The following PTPRN2 variants were observed in gnomAD, a reference collection of about 807,000 sequenced individuals.
PTPRN2 encodes the protein protein tyrosine phosphatase receptor type N2.
A neutral mutation model predicts 118.8 loss-of-function variants in PTPRN2; 74 were observed. The observed-to-expected ratio is 0.62, with a 90% CI of 0.52 to 0.76. The LOEUF (loss-of-function observed/expected upper bound fraction) is 0.76. PTPRN2 is among the 30% of genes least tolerant of loss of function. The pLI is 0.00. For synonymous variants in PTPRN2, 641 were observed against 608.0 expected, an observed-to-expected ratio of 1.05 and a Z score of -0.80; for missense variants, 1,481 against 1,394.4, an observed-to-expected ratio of 1.06 and a Z score of -0.99.
chr7:158,569,915 G>C (rs1218261072), intron 1 of PTPRN2, among the ~76,000 whole-genome samples: 1 of 152,004 alleles, frequency 6.6e-6, no homozygotes, highest in African/African-American at 2.4e-5. Context: ...GAGGCCGCCT[G>C]ACAGGAGCGC....
intron 10 of PTPRN2, among the ~76,000 whole-genome samples, chr7:158,106,644 G>T (rs1236208621): frequency 6.6e-6 from 1 of 152,196 alleles, no homozygotes; most frequent in Non-Finnish European, 1.5e-5. Flanking sequence ...CCTACCTGTG[G>T]AGTCTGCCCT....
intron 2 of PTPRN2, among the ~76,000 whole-genome samples, chr7:158,457,380 G>A (rs1818593370): frequency 6.6e-6 from 1 of 152,234 alleles, no homozygotes; most frequent in African/African-American, 2.4e-5. Flanking sequence ...GCGGGCAGGT[G>A]TCTACCCTGG....
chr7:158,558,024 G>C (rs1451529366), intron 1 of PTPRN2, among the ~76,000 whole-genome samples: 1 of 152,156 alleles, frequency 6.6e-6, no homozygotes, highest in African/African-American at 2.4e-5. Context: ...TCACTCTGTT[G>C]CCCAGGCTGG....
intron 11 of PTPRN2, among the ~76,000 whole-genome samples, chr7:158,021,459 T>A (rs1244785891): frequency 6.6e-6 from 1 of 152,116 alleles, no homozygotes; most frequent in African/African-American, 2.4e-5. Context: ...CATAAATGTG[T>A]GTGTATGCAC....
rs570140629 is a variant in PTPRN2 at position 157,964,844 on chromosome 7, C to T, written c.1724-66107G>A. 6.6e-6 allele frequency among the ~76,000 whole-genome samples: 1 copy of T among 152,334 alleles called. No homozygotes were observed. Among genetic ancestry groups the T allele is most frequent in the East Asian group, 1.9e-4 (1 of 5,182 alleles). ...TTCTTTCGACGATCCTCCTCTTGCC[C>T]CAATTTCTCCACCGCACAGACTCGC... On this transcript the variant is annotated intron_variant, in intron 11 of 22. Transcript: ENST00000389418. The surrounding 1 kb of genome is among the most constrained non-coding windows in gnomAD (Gnocchi z 9.0).
chr7:158,158,287 C>T (rs1029419312), intron 6 of PTPRN2, among the ~76,000 whole-genome samples: 2 of 152,238 alleles, frequency 1.3e-5, no homozygotes, highest in African/African-American at 4.8e-5. Flanking sequence ...AAAGTCAAAG[C>T]TTTGGTTCAG....
rs926444136 is a variant in PTPRN2 at position 157,598,660 on chromosome 7, G to A, written c.2419-3345C>T. ...TGTGTGTCCTGGTGTTGGTCATCCC[G>A]AAACTGTCCGTGAAAACCTGTAAAT... is the stretch of plus-strand genomic sequence containing the variant. On this transcript the variant is annotated intron_variant, in intron 16 of 22. Coordinates refer to ENST00000389418, the MANE Select transcript of PTPRN2 (RefSeq NM_002847.5). The surrounding 1 kb of genome is among the most constrained non-coding windows in gnomAD (Gnocchi z 5.2). Among the ~76,000 whole-genome samples the A allele has an allele frequency of 3.3e-5, 5 of 152,214 alleles. No individual in the cohort carries two copies. Among genetic ancestry groups the A allele is most frequent in the South Asian group, 2.1e-4 (1 of 4,830 alleles).
chr7:158,505,078 G>C (rs1003433485), intron 1 of PTPRN2, among the ~76,000 whole-genome samples: 1 of 152,120 alleles, frequency 6.6e-6, no homozygotes, highest in Non-Finnish European at 1.5e-5. Context: ...AAAATCCAAG[G>C]CTCTAACAAA....
intron 1 of PTPRN2, among the ~76,000 whole-genome samples, chr7:158,500,762 C>T (rs1822301973): frequency 6.6e-6 from 1 of 152,270 alleles, no homozygotes; most frequent in Non-Finnish European, 1.5e-5. Context: ...TAAACGCCAT[C>T]CAGCCCAACG....
At chr7:158,423,787 A>T (rs959438764) in intron 2 of PTPRN2, among the ~76,000 whole-genome samples, 5 of 152,194 alleles carry the variant, frequency 3.3e-5, no homozygotes, top group Non-Finnish European at 5.9e-5. Context: ...CTGGGATTAC[A>T]GGCATGAGCC....
At chr7:158,357,178 A>C (rs759940001) in intron 2 of PTPRN2, among the ~76,000 whole-genome samples, 2 of 152,218 alleles carry the variant, frequency 1.3e-5, no homozygotes, top group Non-Finnish European at 2.9e-5. Flanking sequence ...GCTTGTTTGC[A>C]GGTAGAGTTT....
chr7:158,122,994 C>T (rs1011144044), intron 9 of PTPRN2, among the ~76,000 whole-genome samples: 2 of 152,204 alleles, frequency 1.3e-5, no homozygotes, highest in Non-Finnish European at 2.9e-5. Flanking sequence ...TGACCATGCT[C>T]TGTGCTTCTG....
chr7:157,662,674 G>A (rs73744819), intron 13 of PTPRN2, among the ~76,000 whole-genome samples: 9,116 of 152,222 alleles, frequency 0.06, 648 homozygotes, highest in East Asian at 0.22. Context: ...GAGCTTCCAC[G>A]GGGCGAGGAA....
intron 2 of PTPRN2, among the ~76,000 whole-genome samples, chr7:158,321,683 G>A (rs1586253038): frequency 6.6e-6 from 1 of 152,196 alleles, no homozygotes; most frequent in Admixed American, 6.5e-5. Context: ...CAAATTGGGG[G>A]CTGTCTGAAA....
intron 11 of PTPRN2, among the ~76,000 whole-genome samples, chr7:157,967,103 T>C (rs1212668730): frequency 1.3e-5 from 2 of 152,210 alleles, no homozygotes; most frequent in African/African-American, 2.4e-5. Flanking sequence ...GAGGATTGCT[T>C]GAGACCAGGA....
In PTPRN2 at chr7:158,545,103, C is replaced by T. The variant is rs867268894; in HGVS notation, c.112+42455G>A. Among the ~76,000 whole-genome samples the T allele has an allele frequency of 3.5e-5, 5 of 141,200 alleles. No homozygotes were observed. In the South Asian group the frequency reaches 1.0e-3, roughly 30 times the overall value. 92.6% of individuals were successfully genotyped at this position (141,200 alleles called of 152,430 possible). On this transcript the variant is annotated intron_variant, in intron 1 of 22. Coordinates refer to ENST00000389418, the MANE Select transcript of PTPRN2 (RefSeq NM_002847.5). ...TCGGACACACCTGGGAGCTGGCTCTCACTTCCAGCCTCAACATCCACCGGG... is the reference window on the plus strand; with the variant it reads ...TCGGACACACCTGGGAGCTGGCTCTTACTTCCAGCCTCAACATCCACCGGG...
At chr7:157,887,687 TCCCCCAGTAACTGCTCCATTACCTACTC>T (rs1796557205) in intron 12 of PTPRN2, among the ~76,000 whole-genome samples, 2 of 3,098 alleles carry the variant, frequency 6.5e-4, no homozygotes. Context: ...CAGTACCCGC[TCCCCCAGTAACTGCTCCATTACCTACTC>T]CCCCCAGTAC....
At chr7:158,149,596 A>G (rs1820719130) in intron 6 of PTPRN2, among the ~76,000 whole-genome samples, 1 of 152,172 alleles carries the variant, frequency 6.6e-6, no homozygotes, top group Non-Finnish European at 1.5e-5. Context: ...TGAGGTCAGG[A>G]GTTCGAGACC....
chr7:157,761,550 T>C (rs1802130360), intron 12 of PTPRN2, among the ~76,000 whole-genome samples: 2 of 150,672 alleles, frequency 1.3e-5, no homozygotes, highest in South Asian at 4.3e-4. Context: ...TAGCCATATG[T>C]AGAAAGCTGA....
Sources: gnomAD v4.1 joint callset for allele counts (sites outside exome capture counted in the v4.1 genomes callset) on GRCh38, gnomAD v4.1.1 for gene constraint, Gnocchi (gnomAD v3.1) non-coding constraint, MANE v1.5 for transcripts, NCBI Gene and HGNC (gene_info 2026-07-23, HGNC 2026-07-21) for gene names.